Variants in GPC5 observed in about 807,000 individuals in gnomAD.
The protein encoded by GPC5 is glypican-5.
A neutral mutation model predicts 53.9 loss-of-function variants in GPC5; 47 were observed. The observed-to-expected ratio is 0.87, with a 90% CI of 0.69 to 1.11. The LOEUF (loss-of-function observed/expected upper bound fraction) is 1.11. Ranked by LOEUF, GPC5 falls within the 50% of genes most tolerant of loss-of-function variation. The probability of loss-of-function intolerance (pLI) is 0.00; values close to 1 mark genes in which losing one functional copy is unlikely to be tolerated. For missense variants in GPC5, 748 were observed against 713.1 expected (o/e 1.05, Z -0.56); for synonymous variants, 286 against 263.3 (o/e 1.09, Z -0.84).
chr13:92,174,386 AT>A (rs201917268), intron 7 of GPC5, among the ~76,000 whole-genome samples: 3,466 of 148,630 alleles, frequency 0.023, 47 homozygotes, highest in Admixed American at 0.029. Context: ...ACAAAAAAAA[AT>A]GGCCGGGTGT....
chr13:92,337,096 G>A (rs1008480243), intron 7 of GPC5, among the ~76,000 whole-genome samples: 6 of 151,906 alleles, frequency 3.9e-5, no homozygotes, highest in Non-Finnish European at 8.8e-5. Context: ...TGAGATTTGG[G>A]TGGAGACACA....
At chr13:91,478,824 C>CATATATATATATATAT (rs36188475) in intron 2 of GPC5, among the ~76,000 whole-genome samples, 1 of 77,902 alleles carries the variant, frequency 1.3e-5, no homozygotes, top group Non-Finnish European at 2.3e-5. Context: ...TATATATATA[C>CATATATATATATATAT]ACACACACAC....
chr13:91,636,493 C>T (rs1684164227), intron 2 of GPC5, among the ~76,000 whole-genome samples: 1 of 151,926 alleles, frequency 6.6e-6, no homozygotes, highest in Admixed American at 6.6e-5. Context: ...AATTGCTATA[C>T]AATAAGTCTT....
intron 5 of GPC5, among the ~76,000 whole-genome samples, chr13:91,859,471 A>G (rs1009712557): frequency 3.9e-5 from 6 of 152,058 alleles, no homozygotes; most frequent in Non-Finnish European, 5.9e-5. Context: ...GTATATTGAT[A>G]CATATAGACA....
At chr13:91,597,838 A>G (rs1302585450) in intron 2 of GPC5, among the ~76,000 whole-genome samples, 2 of 151,220 alleles carry the variant, frequency 1.3e-5, no homozygotes, top group Non-Finnish European at 2.9e-5. Flanking sequence ...CCTGTTTGCT[A>G]CTCTGAGTTC....
Position 92,381,839 on chromosome 13 carries a change from T to TATATCA in GPC5, c.1561+236850_1561+236851insATATCA, listed in dbSNP as rs1566565125. Among the ~76,000 whole-genome samples the TATATCA allele has an allele frequency of 8.3e-5, 6 of 72,574 alleles. No individual in the cohort carries two copies. The East Asian group carries it at 2.8e-3, about 34-fold the overall frequency. The allele number at this position is 72,574 out of a possible 152,430, so 47.6% of individuals were successfully genotyped here. A position where few individuals can be genotyped will look rare whatever the true frequency, so the allele number is the denominator to read the frequency against. On this transcript the variant is annotated intron_variant, in intron 7 of 7. Coordinates refer to ENST00000377067, the MANE Select transcript of GPC5 (RefSeq NM_004466.6). ...TTCATATATAATCATATATATTATA[T>TATATCA]TGTATATGATCATATATGATTATAT... is the stretch of plus-strand genomic sequence containing the variant.
At chr13:91,806,494 T>C (rs1347935083) in intron 5 of GPC5, among the ~76,000 whole-genome samples, 1 of 152,120 alleles carries the variant, frequency 6.6e-6, no homozygotes, top group Admixed American at 6.6e-5. Context: ...AGGATTCAAA[T>C]GAATGCATGG....
chr13:91,697,880 G>GT (rs2035912747), intron 3 of GPC5, among the ~76,000 whole-genome samples: 1 of 149,830 alleles, frequency 6.7e-6, no homozygotes, highest in African/African-American at 2.5e-5. Flanking sequence ...ATTCTATACA[G>GT]TTTTAGGAAA....
intron 7 of GPC5, among the ~76,000 whole-genome samples, chr13:92,188,734 A>G (rs1054412021): frequency 1.4e-4 from 21 of 152,198 alleles, no homozygotes; most frequent in African/African-American, 5.1e-4. Context: ...AATATGTTTA[A>G]TTTTTATTTT....
intron 7 of GPC5, among the ~76,000 whole-genome samples, chr13:92,648,576 A>G (rs1289805084): frequency 6.6e-6 from 1 of 152,098 alleles, no homozygotes; most frequent in African/African-American, 2.4e-5. Context: ...TGATTTGTCC[A>G]ACTATTTCAT....
intron 7 of GPC5, among the ~76,000 whole-genome samples, chr13:92,632,274 A>G (rs1353410226): frequency 6.6e-6 from 1 of 152,110 alleles, no homozygotes; most frequent in Non-Finnish European, 1.5e-5. Flanking sequence ...GCTCAGATAG[A>G]CTTGAAGACA....
intron 7 of GPC5, among the ~76,000 whole-genome samples, chr13:92,393,476 C>T (rs559003094): frequency 1.3e-5 from 2 of 152,210 alleles, no homozygotes; most frequent in South Asian, 4.1e-4. Flanking sequence ...ATGGCGAAAC[C>T]CTGTCTCTAC....
intron 6 of GPC5, among the ~76,000 whole-genome samples, chr13:91,928,229 C>T (rs1456991028): frequency 6.6e-6 from 1 of 152,146 alleles, no homozygotes. Flanking sequence ...GCCAGATTGT[C>T]CTCTAAATAT....
At chr13:92,179,484 G>C (rs1331655382) in intron 7 of GPC5, among the ~76,000 whole-genome samples, 1 of 152,178 alleles carries the variant, frequency 6.6e-6, no homozygotes, top group African/African-American at 2.4e-5. Flanking sequence ...GAACTAATTT[G>C]TCGTGGTCTC....
chr13:92,342,149 A>G (rs1268090361), intron 7 of GPC5, among the ~76,000 whole-genome samples: 8 of 152,086 alleles, frequency 5.3e-5, no homozygotes, highest in Non-Finnish European at 1.2e-4. Flanking sequence ...TGATTCCTAA[A>G]TCAGGCCACA....
At chr13:91,734,772 T>C (rs777068608) in intron 4 of GPC5, among the ~76,000 whole-genome samples, 49 of 151,456 alleles carry the variant, frequency 3.2e-4, no homozygotes, top group Non-Finnish European at 5.6e-4. Context: ...ATATTTTTCA[T>C]TGGTCTCTTT....
intron 7 of GPC5, among the ~76,000 whole-genome samples, chr13:92,829,522 G>A (rs1877975749): frequency 6.6e-6 from 1 of 152,094 alleles, no homozygotes; most frequent in African/African-American, 2.4e-5. Flanking sequence ...TGTGGTTTCT[G>A]CAGAACAAAA....
At chr13:92,374,514 T>C (rs1042903019) in intron 7 of GPC5, among the ~76,000 whole-genome samples, 8 of 152,082 alleles carry the variant, frequency 5.3e-5, no homozygotes, top group East Asian at 1.9e-4. Flanking sequence ...CATGGAATAC[T>C]ATGCAGCCAT....
Position 92,255,365 on chromosome 13 carries a change from T to C in GPC5, c.1561+110376T>C, listed in dbSNP as rs186909882. On this transcript the variant is annotated intron_variant, in intron 7 of 7. Transcript: ENST00000377067. ...AAAACAACAATGTGATTCGTCTTAA[T>C]TCAGAAACCATCTTTGAGTCAGTAA... Among the ~76,000 whole-genome samples the C allele has an allele frequency of 7.8e-3, 1,188 of 152,232 alleles. 8 individuals carry two copies. Among genetic ancestry groups the C allele is most frequent in the Non-Finnish European group, 0.013 (884 of 68,000 alleles).
Sources: gnomAD v4.1 joint callset for allele counts (sites outside exome capture counted in the v4.1 genomes callset) on GRCh38, gnomAD v4.1.1 for gene constraint, MANE v1.5 for transcripts, NCBI Gene and HGNC (gene_info 2026-07-23, HGNC 2026-07-21) for gene names.